Variants in DAB1 observed in about 807,000 individuals in gnomAD.
DAB1 encodes the protein disabled homolog 1.
A neutral mutation model predicts 64.6 loss-of-function variants in DAB1; 15 were observed. That is an observed-to-expected ratio of 0.23 (90% CI 0.16 to 0.36). DAB1 has a LOEUF of 0.36. Ranked by LOEUF, DAB1 falls within the 10% of genes least tolerant of loss-of-function variation. The pLI is 1.00. For synonymous variants in DAB1, 235 were observed against 251.9 expected, an observed-to-expected ratio of 0.93 and a Z score of 0.64; for missense variants, 596 against 706.7, an observed-to-expected ratio of 0.84 and a Z score of 1.78.
intron 4 of DAB1, among the ~76,000 whole-genome samples, chr1:58,293,997 C>G (rs1661909099): frequency 1.3e-5 from 2 of 152,140 alleles, no homozygotes; most frequent in South Asian, 4.1e-4. Context: ...GTCTCTGGCC[C>G]TTTGTAACTG....
intron 5 of DAB1, among the ~76,000 whole-genome samples, chr1:58,001,671 A>T (rs560858776): frequency 2.6e-5 from 4 of 152,290 alleles, no homozygotes; most frequent in South Asian, 2.1e-4. Context: ...GATTAAAAAG[A>T]CCACAGATTA....
intron 3 of DAB1, among the ~76,000 whole-genome samples, chr1:58,364,220 C>T (rs190267815): frequency 3.9e-5 from 6 of 152,272 alleles, no homozygotes; most frequent in Admixed American, 2.0e-4. Context: ...GGAGCAGATA[C>T]CTGTAAGGAG....
chr1:57,708,009 AG>A (rs1646987850), intron 6 of DAB1, among the ~76,000 whole-genome samples: 1 of 152,250 alleles, frequency 6.6e-6, no homozygotes, highest in East Asian at 1.9e-4. Flanking sequence ...GAGTTAGGGA[AG>A]GGGTCATATG....
chr1:57,545,990 G>A (rs1644851609), intron 7 of DAB1, among the ~76,000 whole-genome samples: 1 of 152,160 alleles, frequency 6.6e-6, no homozygotes, highest in African/African-American at 2.4e-5. Flanking sequence ...AGCTGGCAGA[G>A]GAGATGTGTT....
intron 2 of DAB1, among the ~76,000 whole-genome samples, chr1:57,264,843 G>T (rs1198358726): frequency 6.6e-6 from 1 of 152,098 alleles, no homozygotes; most frequent in Non-Finnish European, 1.5e-5. Context: ...ATCTGTTCAT[G>T]GTGCATATAT....
intron 10 of DAB1, 66 bp downstream of exon 10, chr1:57,025,915 G>T: frequency 1.5e-6 from 2 of 1,300,796 alleles, no homozygotes; most frequent in East Asian, 2.7e-5. Context: ...CCATATTCTG[G>T]CCACTGAGGG....
At chr1:58,356,251 T>A (rs891269329) in intron 3 of DAB1, among the ~76,000 whole-genome samples, 2 of 152,146 alleles carry the variant, frequency 1.3e-5, no homozygotes, top group Non-Finnish European at 2.9e-5. Flanking sequence ...CCACAACCTG[T>A]ATGTAAAATG....
intron 1 of DAB1, among the ~76,000 whole-genome samples, chr1:57,304,277 G>A (rs1383041955): frequency 6.6e-6 from 1 of 152,070 alleles, no homozygotes; most frequent in Non-Finnish European, 1.5e-5. Context: ...TGTGAAGACA[G>A]CATCGAGGGA....
chr1:57,770,538 G>C (rs1486253345), intron 6 of DAB1, among the ~76,000 whole-genome samples: 1 of 152,092 alleles, frequency 6.6e-6, no homozygotes, highest in Non-Finnish European at 1.5e-5. Context: ...GCAGGCATGA[G>C]CCTTCATGCC....
chr1:57,205,617 T>A (rs1665474360), intron 2 of DAB1, among the ~76,000 whole-genome samples: 1 of 152,234 alleles, frequency 6.6e-6, no homozygotes, highest in Admixed American at 6.5e-5. Flanking sequence ...TCATCTCATA[T>A]AATTTTCATA....
intron 1 of DAB1, among the ~76,000 whole-genome samples, chr1:57,869,214 G>A (rs1340526176): frequency 6.6e-6 from 1 of 152,032 alleles, no homozygotes; most frequent in Non-Finnish European, 1.5e-5. Context: ...TAAAATGCAG[G>A]TAACAACAAT....
chr1:57,739,434 C>T (rs1358509360), intron 6 of DAB1, among the ~76,000 whole-genome samples: 30 of 18,094 alleles, frequency 1.7e-3, no homozygotes, highest in Non-Finnish European at 2.3e-3. Flanking sequence ...CAACTCCCCT[C>T]CCCTCCCCTC....
intron 2 of DAB1, among the ~76,000 whole-genome samples, chr1:57,252,896 G>A (rs1464018601): frequency 6.6e-6 from 1 of 152,188 alleles, no homozygotes; most frequent in Admixed American, 6.5e-5. Context: ...GAAAGTGGCA[G>A]GACCAGTTTT....
intron 5 of DAB1, among the ~76,000 whole-genome samples, chr1:57,920,543 C>T (rs530080275): frequency 2.3e-3 from 348 of 152,122 alleles, no homozygotes; most frequent in African/African-American, 8.1e-3. Flanking sequence ...GTCTTGGACT[C>T]CTGGGTTCAA....
chr1:57,979,790 G>T (rs112446149), intron 5 of DAB1, among the ~76,000 whole-genome samples: 3,107 of 152,188 alleles, frequency 0.02, 75 homozygotes, highest in African/African-American at 0.051. Flanking sequence ...CTTCCTGCAG[G>T]TTGGTTATGT....
At chr1:58,527,185 G>A in intron 2 of DAB1, 2 of 811,170 alleles carry the variant, frequency 2.5e-6, no homozygotes, top group Non-Finnish European at 2.2e-6. Flanking sequence ...CTTATGCCAA[G>A]CCTCATTAAA....
intron 4 of DAB1, among the ~76,000 whole-genome samples, chr1:58,198,951 C>T (rs1291780214): frequency 2.0e-5 from 3 of 152,016 alleles, no homozygotes; most frequent in African/African-American, 7.2e-5. Context: ...ACTAAAAATA[C>T]AAAAAATTAG....
chr1:57,145,457 A>T (rs1171449120), intron 2 of DAB1, 28 bp from the exon 3 acceptor site: 3 of 1,613,526 alleles, frequency 1.9e-6, no homozygotes, highest in Admixed American at 3.3e-5. Flanking sequence ...AGATTCAAAT[A>T]TGTAGCTGTG....
In DAB1 at chr1:57,136,576, A is replaced by G; in HGVS notation, c.273T>C (p.Phe91=). Residue 91 remains phenylalanine, a synonymous_variant, in exon 4 of 15, where the codon TTT becomes TTC. Transcript: ENST00000371236. ...HKQKIFLTIS[F]GGIKIFDEKT... The stretch of plus-strand genomic sequence containing the variant: ...TCTCATCAAAGATTTTGATTCCTCC[A>G]AAGGAGATGGTTAAAAAGATTTTCT... The G allele has an allele frequency of 6.5e-7, 1 of 1,543,032 alleles. No individual in the cohort carries two copies. Among genetic ancestry groups the G allele is most frequent in the South Asian group, 1.2e-5 (1 of 82,406 alleles).
Sources: allele counts gnomAD v4.1 joint callset (sites outside exome capture counted in the v4.1 genomes callset), GRCh38; gene constraint gnomAD v4.1.1; transcripts MANE v1.5; gene names NCBI Gene and HGNC (gene_info 2026-07-23, HGNC 2026-07-21).